The following EMC2 variants were observed in gnomAD, a reference collection of about 807,000 sequenced individuals.
The protein encoded by EMC2 is ER membrane protein complex subunit 2.
In EMC2, 37 loss-of-function variants were observed where a neutral mutation model predicts 51.6. The ratio of observed to expected loss-of-function variants is 0.72; its 90% CI spans 0.55 to 0.94. The LOEUF is 0.94. Ranked by LOEUF, EMC2 falls within the 40% of genes least tolerant of loss-of-function variation. The pLI is 0.00. For missense variants in EMC2, 359 were observed against 350.9 expected, an observed-to-expected ratio of 1.02 and a Z score of -0.18; for synonymous variants, 131 against 112.4, an observed-to-expected ratio of 1.17 and a Z score of -1.04.
chr8:108,457,421 A>G (rs1026197458), intron 5 of EMC2, among the ~76,000 whole-genome samples: 12 of 150,430 alleles, frequency 8.0e-5, no homozygotes, highest in African/African-American at 2.9e-4. Flanking sequence ...GTCCATTTTC[A>G]TGCTACTGAT....
At chr8:108,462,051 C>T (rs1022396175) in intron 5 of EMC2, among the ~76,000 whole-genome samples, 3 of 152,190 alleles carry the variant, frequency 2.0e-5, no homozygotes, top group Admixed American at 2.0e-4. Flanking sequence ...TTGTGATCTG[C>T]CTGCCTCAGC....
chr8:108,481,664 A>T (rs1030919122), intron 10 of EMC2, among the ~76,000 whole-genome samples: 9 of 152,134 alleles, frequency 5.9e-5, no homozygotes, highest in African/African-American at 1.9e-4. Flanking sequence ...TCAGTGACTA[A>T]TATAAGGTAA....
intron 5 of EMC2, among the ~76,000 whole-genome samples, chr8:108,462,104 G>T (rs1419312192): frequency 6.6e-6 from 1 of 152,156 alleles, no homozygotes; most frequent in African/African-American, 2.4e-5. Context: ...AATGCGCCCG[G>T]CCAGGCAAGC....
chr8:108,460,207 A>T (rs537407981), intron 5 of EMC2, among the ~76,000 whole-genome samples: 2 of 152,224 alleles, frequency 1.3e-5, no homozygotes, highest in Non-Finnish European at 2.9e-5. Context: ...TGGAATTAGG[A>T]GTACAATATT....
At chr8:108,465,664 A>T (rs1819449095) in intron 5 of EMC2, among the ~76,000 whole-genome samples, 3 of 152,160 alleles carry the variant, frequency 2.0e-5, no homozygotes. Flanking sequence ...ATGCCTCCAG[A>T]TTGTTTATTC....
intron 5 of EMC2, among the ~76,000 whole-genome samples, chr8:108,458,573 A>T (rs1819223902): frequency 6.6e-6 from 1 of 152,130 alleles, no homozygotes; most frequent in Admixed American, 6.5e-5. Flanking sequence ...GTACCCTCTG[A>T]AGCCACTGCT....
intron 3 of EMC2, among the ~76,000 whole-genome samples, chr8:108,451,392 C>T (rs1181780268): frequency 6.6e-6 from 1 of 151,630 alleles, no homozygotes; most frequent in African/African-American, 2.4e-5. Flanking sequence ...TTTTATAAAT[C>T]AGAAAGCAGA....
chr8:108,464,409 G>A lies in EMC2; in HGVS notation c.364-5417G>A, dbSNP rs550141489. 7.2e-5 allele frequency among the ~76,000 whole-genome samples: 11 copies of A among 152,306 alleles called. No individual in the cohort carries two copies. The South Asian group carries it at 2.1e-3, about 29-fold the overall frequency. ...TTGTGCCCATTGGACTCAGTGGAGG[G>A]AGGCAGGCAGGCCCTGAGCTACCTC... On this transcript the variant is annotated intron_variant, in intron 5 of 10. Transcript: ENST00000220853.
chr8:108,445,453 C>T (rs1818855863), intron 1 of EMC2, among the ~76,000 whole-genome samples: 1 of 152,156 alleles, frequency 6.6e-6, no homozygotes, highest in African/African-American at 2.4e-5. Flanking sequence ...AGTCCTTCCA[C>T]TGGGAGTGTT....
rs780023538 is a variant in EMC2, at chr8:108,450,410, C to G, written c.155-18C>G. The stretch of plus-strand genomic sequence containing the variant: ...TTAATATTAAATTCAGTTTTTTTCC[C>G]CCTTTATGTGTATCTAGTTTGGATC... On this transcript the variant is annotated intron_variant, in intron 2 of 10. Transcript: ENST00000220853. 6.6e-7 allele frequency: 1 copy of G among 1,513,812 alleles called. No individual in the cohort carries two copies. Among genetic ancestry groups the G allele is most frequent in the Admixed American group, 1.7e-5 (1 of 58,646 alleles). The allele number at this position is 1,513,812 out of a possible 1,614,324, so 93.8% of individuals were successfully genotyped here. A position where few individuals can be genotyped will look rare whatever the true frequency, so the allele number is the denominator to read the frequency against.
intron 2 of EMC2, 65 bp from the exon 3 acceptor site, chr8:108,450,363 T>C: frequency 2.2e-6 from 2 of 897,420 alleles, no homozygotes; most frequent in Non-Finnish European, 3.7e-6. Context: ...CTAGAATTCA[T>C]TAATTTCCAT....
chr8:108,475,641 A>G (rs559357424), intron 7 of EMC2: 6 of 395,108 alleles, frequency 1.5e-5, no homozygotes, highest in Non-Finnish European at 2.3e-5. Flanking sequence ...TGTAGTATCT[A>G]TTGATTGTTT....
At chr8:108,470,548 T>G (rs528043604) in intron 7 of EMC2, among the ~76,000 whole-genome samples, 11 of 152,294 alleles carry the variant, frequency 7.2e-5, no homozygotes, top group African/African-American at 2.6e-4. Context: ...GCCTTAGTAC[T>G]AAGAGAATCA....
At chr8:108,457,093 G>A (rs1311906479) in intron 5 of EMC2, among the ~76,000 whole-genome samples, 1 of 152,122 alleles carries the variant, frequency 6.6e-6, no homozygotes, top group Non-Finnish European at 1.5e-5. Flanking sequence ...GATGTCTGTA[G>A]TTTCTAGAGC....
intron 1 of EMC2, among the ~76,000 whole-genome samples, chr8:108,446,826 T>C (rs1818887552): frequency 6.6e-6 from 1 of 152,200 alleles, no homozygotes; most frequent in Non-Finnish European, 1.5e-5. Context: ...TACAAATGTA[T>C]TTATTACAGC....
chr8:108,457,791 C>T (rs1233240821), intron 5 of EMC2, among the ~76,000 whole-genome samples: 4 of 152,166 alleles, frequency 2.6e-5, no homozygotes, highest in Admixed American at 2.0e-4. Context: ...CCCCTGGCCC[C>T]TCCCAAATCT....
chr8:108,486,567 T>C lies in EMC2; in HGVS notation c.863T>C (p.Met288Thr). The change falls in exon 11 of 11, where the codon ATG becomes ACG. Residue 288 changes from methionine (M) to threonine (T), a missense_variant. Transcript: ENST00000220853. ...TATTCTCTTAAGGCTGTCGAAGACA[T>C]GTTGGAAACATTGCAGATCACCCAG... Reference protein sequence around the residue: ...TKYSLKAVEDMLETLQITQS With the variant: ...TKYSLKAVEDTLETLQITQS 6.2e-7 allele frequency: 1 copy of C among 1,604,414 alleles called. No homozygotes were observed. Among genetic ancestry groups the C allele is most frequent in the South Asian group, 1.1e-5 (1 of 89,422 alleles).
chr8:108,464,372 A>G (rs977047371), intron 5 of EMC2, among the ~76,000 whole-genome samples: 6 of 152,196 alleles, frequency 3.9e-5, no homozygotes, highest in Non-Finnish European at 1.5e-5. Context: ...CTCTGGCCAT[A>G]CGCCAGCCTG....
chr8:108,475,787 AC>A, intron 7 of EMC2, 94 bp from the exon 8 acceptor site: 3 of 650,252 alleles, frequency 4.6e-6, no homozygotes, highest in Middle Eastern at 6.6e-4. Context: ...AAATTGTTTA[AC>A]ATGACTAAAG....
Sources: gnomAD v4.1 joint callset for allele counts (sites outside exome capture counted in the v4.1 genomes callset) on GRCh38, gnomAD v4.1.1 for gene constraint, MANE v1.5 for transcripts, NCBI Gene and HGNC (gene_info 2026-07-23, HGNC 2026-07-21) for gene names.